The following CXCR2 variants were observed in gnomAD, a reference collection of about 807,000 sequenced individuals.
CXCR2 encodes C-X-C motif chemokine receptor 2.
Under a neutral mutation model 3.7 loss-of-function variants are expected in CXCR2, and 2 were observed. That is an observed-to-expected ratio of 0.55 (90% CI 0.22 to 1.72). The LOEUF (loss-of-function observed/expected upper bound fraction) is 1.72, where lower values mean the gene tolerates loss of function less well. CXCR2 is among the 40% of genes most tolerant of loss of function. The pLI is 0.19. For missense variants in CXCR2, 351 were observed against 450.1 expected (o/e 0.78, Z 1.99); for synonymous variants, 203 against 193.3 (o/e 1.05, Z -0.41).
At position 218,135,399 on chromosome 2, in the gene CXCR2, A is replaced by G. The variant is rs1574542963; in HGVS notation, c.598A>G (p.Met200Val). 1.2e-6 allele frequency: 2 copies of G among 1,614,204 alleles called. No individual in the cohort carries two copies. The highest frequency in any genetic ancestry group is 1.7e-6 in the Non-Finnish European group (2 of 1,180,034). Reference sequence around the variant, plus strand: ...TGTTAGCCCAGCCTGCTATGAGGACATGGGCAACAATACAGCAAACTGGCG... The same window carrying G: ...TGTTAGCCCAGCCTGCTATGAGGACGTGGGCAACAATACAGCAAACTGGCG... ...SNVSPACYED[M>V]GNNTANWRML... The change falls in exon 3 of 3, where the codon ATG becomes GTG. Residue 200 changes from methionine (M) to valine (V), a missense_variant. Transcript: ENST00000318507. This position sits in a 1 kb window ranked among gnomAD's most constrained non-coding sequence, Gnocchi z 4.0.
chr2:218,134,212 T>C (rs987708292), intron 2 of CXCR2, among the ~76,000 whole-genome samples: 1 of 152,246 alleles, frequency 6.6e-6, no homozygotes, highest in East Asian at 1.9e-4. Context: ...ATAGCCCATT[T>C]GGAGTTCCTG....
intron 1 of CXCR2, among the ~76,000 whole-genome samples, chr2:218,126,723 A>G (rs1559450305): frequency 6.6e-6 from 1 of 152,194 alleles, no homozygotes; most frequent in East Asian, 1.9e-4. Context: ...ATCTTGGCTC[A>G]TTGCAACCTC....
rs1353642101 is a variant in CXCR2 at position 218,136,207 on chromosome 2, A to G, written c.*323A>G. ...GCTCTGCATACTCATTAGGATGGCTAGTATCAAAAGAAAGAAAATCAGGCT... is the reference window on the plus strand; with the variant it reads ...GCTCTGCATACTCATTAGGATGGCTGGTATCAAAAGAAAGAAAATCAGGCT... On this transcript the variant is annotated 3_prime_UTR_variant, in exon 3 of 3. Coordinates refer to ENST00000318507, the MANE Select transcript of CXCR2 (RefSeq NM_001557.4). 5 of 247,164 alleles carry G rather than the reference A, an allele frequency of 2.0e-5. No individual in the cohort carries two copies. In the East Asian group the frequency reaches 3.5e-4, roughly 17 times the overall value. 15.3% of individuals were successfully genotyped at this position (247,164 alleles called of 1,614,324 possible).
chr2:218,134,771 C>G lies in CXCR2; in HGVS notation c.-25-6C>G. The G allele has an allele frequency of 6.3e-7, 1 of 1,598,464 alleles. No individual in the cohort carries two copies. Among genetic ancestry groups the G allele is most frequent in the South Asian group, 1.1e-5 (1 of 89,050 alleles). On this transcript the variant is annotated splice_polypyrimidine_tract_variant and splice_region_variant and intron_variant, in intron 2 of 2. Coordinates refer to ENST00000318507, the MANE Select transcript of CXCR2 (RefSeq NM_001557.4). ...TTATGCAGTAACCTTCATCTCTCTT[C>G]TATAGGTCAGGATTTAAGTTTACCT...
intron 2 of CXCR2, chr2:218,130,903 C>T (rs1369531127): frequency 6.6e-6 from 1 of 152,600 alleles, no homozygotes; most frequent in Non-Finnish European, 1.5e-5. Flanking sequence ...TGCATGCTCT[C>T]CCTCTGGAAC....
chr2:218,135,838 C>T lies in CXCR2; in HGVS notation c.1037C>T (p.Pro346Leu), dbSNP rs201772068. Residue 346 changes from proline to leucine, a missense_variant, in exon 3 of 3, where the codon CCT becomes CTT. By Grantham distance (98) the Pro-to-Leu change is moderately conservative. Coordinates refer to ENST00000318507, the MANE Select transcript of CXCR2 (RefSeq NM_001557.4). The surrounding 1 kb of genome is among the most constrained non-coding windows in gnomAD (Gnocchi z 4.0). ...SKDSLPKDSR[P>L]SFVGSSSGHT... ...GACTCCCTGCCCAAAGACAGCAGGC[C>T]TTCCTTTGTTGGCTCTTCTTCAGGG... 5.6e-6 allele frequency: 9 copies of T among 1,613,844 alleles called. No individual in the cohort carries two copies. The highest frequency in any genetic ancestry group is 7.6e-6 in the Non-Finnish European group (9 of 1,179,834).
At chr2:218,130,898 G>T in intron 2 of CXCR2, 1 of 152,698 alleles carries the variant, frequency 6.5e-6, no homozygotes, top group African/African-American at 2.4e-5. Flanking sequence ...TGACTTGCAT[G>T]CTCTCCCTCT....
intron 2 of CXCR2, among the ~76,000 whole-genome samples, chr2:218,129,660 G>A (rs1259317598): frequency 6.6e-6 from 1 of 152,138 alleles, no homozygotes; most frequent in Non-Finnish European, 1.5e-5. Flanking sequence ...CCTGGGCTAG[G>A]ACTGGGTCTG....
intron 1 of CXCR2, 50 bp downstream of exon 1, chr2:218,126,403 G>A (rs1465742159): frequency 6.6e-6 from 1 of 152,372 alleles, no homozygotes; most frequent in East Asian, 1.9e-4. Context: ...TCTAATGGAA[G>A]AGATCTGGAA....
At position 218,132,529 on chromosome 2, in the gene CXCR2, C is replaced by G. The variant is rs17844694; in HGVS notation, c.-25-2248C>G. Among the ~76,000 whole-genome samples the G allele has an allele frequency of 1.7e-3, 259 of 152,322 alleles. 1 individual carries two copies. The highest frequency in any genetic ancestry group is 5.8e-3 in the African/African-American group (243 of 41,564). Reference sequence around the variant, plus strand: ...CATTCTGAGAAATATGTCATGTGAACATGGTAGAGTATACGATGCTATAGC... The same window carrying G: ...CATTCTGAGAAATATGTCATGTGAAGATGGTAGAGTATACGATGCTATAGC... On this transcript the variant is annotated intron_variant, in intron 2 of 2. Coordinates refer to ENST00000318507, the MANE Select transcript of CXCR2 (RefSeq NM_001557.4).
rs925146937 is a variant in CXCR2, at chr2:218,134,722, A to G, written c.-25-55A>G. On this transcript the variant is annotated intron_variant, in intron 2 of 2. Coordinates refer to ENST00000318507, the MANE Select transcript of CXCR2 (RefSeq NM_001557.4). ...AATCCTATCCCAGTTTCTTGAGTGG[A>G]TGGGCAAGAATATGGGGAATTTATT... The G allele has an allele frequency of 2.7e-6, 4 of 1,474,366 alleles. No homozygotes were observed. In the South Asian group the frequency reaches 4.1e-5, roughly 15 times the overall value. The allele number at this position is 1,474,366 out of a possible 1,614,324, so 91.3% of individuals were successfully genotyped here. A position where few individuals can be genotyped will look rare whatever the true frequency, so the allele number is the denominator to read the frequency against.
chr2:218,129,873 A>G (rs1002394935), intron 2 of CXCR2, among the ~76,000 whole-genome samples: 1 of 152,198 alleles, frequency 6.6e-6, no homozygotes, highest in African/African-American at 2.4e-5. Flanking sequence ...TCATGCCATC[A>G]TCTATGGAGT....
chr2:218,135,211 T>C lies in CXCR2; in HGVS notation c.410T>C (p.Leu137Pro), dbSNP rs1472478059. The C allele has an allele frequency of 3.1e-6, 5 of 1,614,234 alleles. No individual in the cohort carries two copies. Among genetic ancestry groups the C allele is most frequent in the Non-Finnish European group, 4.2e-6 (5 of 1,180,048 alleles). Residue 137 changes from leucine (L) to proline (P), a missense_variant, in exon 3 of 3, where the codon CTG becomes CCG. Coordinates refer to ENST00000318507, the MANE Select transcript of CXCR2 (RefSeq NM_001557.4). The surrounding 1 kb of genome is among the most constrained non-coding windows in gnomAD (Gnocchi z 4.0). ...AACTTCTATAGTGGCATCCTGCTAC[T>C]GGCCTGCATCAGTGTGGACCGTTAC... Reference protein sequence around the residue: ...EVNFYSGILLLACISVDRYLA... With the variant: ...EVNFYSGILLPACISVDRYLA...
In CXCR2 at chr2:218,135,317, G is replaced by C. The variant is rs747309502; in HGVS notation, c.516G>C (p.Leu172=). The change falls in exon 3 of 3, where the codon CTG becomes CTC. Residue 172 remains leucine, a synonymous_variant. Transcript: ENST00000318507. This position sits in a 1 kb window ranked among gnomAD's most constrained non-coding sequence, Gnocchi z 4.0. ...TCATATGTCTCAGCATCTGGGGTCT[G>C]TCCTTGCTCCTGGCCCTGCCTGTCT... ...VKFICLSIWG[L]SLLLALPVLL... 1 of 1,614,212 alleles carries C rather than the reference G, an allele frequency of 6.2e-7. No individual in the cohort carries two copies. The highest frequency in any genetic ancestry group is 1.1e-5 in the South Asian group (1 of 91,084).
At position 218,135,854 on chromosome 2, in the gene CXCR2, T is replaced by A. The variant is rs749605233; in HGVS notation, c.1053T>A (p.Ser351=). The A allele has an allele frequency of 7.4e-6, 12 of 1,613,152 alleles. No individual in the cohort carries two copies. The East Asian group carries it at 2.7e-4, about 36-fold the overall frequency. The change falls in exon 3 of 3, where the codon TCT becomes TCA. Residue 351 remains serine (S), a synonymous_variant. Coordinates refer to ENST00000318507, the MANE Select transcript of CXCR2 (RefSeq NM_001557.4). The surrounding 1 kb of genome is among the most constrained non-coding windows in gnomAD (Gnocchi z 4.0). ...PKDSRPSFVG[S]SSGHTSTTL is the part of the protein sequence containing the mutation. Reference sequence around the variant, plus strand: ...ACAGCAGGCCTTCCTTTGTTGGCTCTTCTTCAGGGCACACTTCCACTACTC... The same window carrying A: ...ACAGCAGGCCTTCCTTTGTTGGCTCATCTTCAGGGCACACTTCCACTACTC...
chr2:218,127,471 T>G (rs1690539117), intron 1 of CXCR2, among the ~76,000 whole-genome samples: 2 of 152,156 alleles, frequency 1.3e-5, no homozygotes, highest in South Asian at 2.1e-4. Flanking sequence ...CGCAGTGATC[T>G]CCATGGAAAT....
Position 218,134,970 on chromosome 2 carries a change from C to G in CXCR2, c.169C>G (p.Leu57Val). ...GTATTTTGTGGTCATTATCTATGCC[C>G]TGGTATTCCTGCTGAGCCTGCTGGG... is the stretch of plus-strand genomic sequence containing the variant. ...NKYFVVIIYA[L>V]VFLLSLLGNS... is the part of the protein sequence containing the mutation. The change falls in exon 3 of 3, where the codon CTG becomes GTG. Residue 57 changes from leucine (L) to valine (V), a missense_variant. Transcript: ENST00000318507. 6.2e-7 allele frequency: 1 copy of G among 1,614,150 alleles called. No individual in the cohort carries two copies. The highest frequency in any genetic ancestry group is 8.5e-7 in the Non-Finnish European group (1 of 1,180,044).
In CXCR2 at chr2:218,135,035, C is replaced by T. The variant is rs150483744; in HGVS notation, c.234C>T (p.Val78=). 109 of 1,614,222 alleles carry T rather than the reference C, an allele frequency of 6.8e-5. No homozygotes were observed. In the African/African-American group the frequency reaches 1.0e-3, roughly 15 times the overall value. The change falls in exon 3 of 3, where the codon GTC becomes GTT. Residue 78 remains valine, a synonymous_variant. Coordinates refer to ENST00000318507, the MANE Select transcript of CXCR2 (RefSeq NM_001557.4). This position sits in a 1 kb window ranked among gnomAD's most constrained non-coding sequence, Gnocchi z 4.0. ...LVMLVILYSR[V]GRSVTDVYLL... Reference sequence around the variant, plus strand: ...TGCTGGTCATCTTATACAGCAGGGTCGGCCGCTCCGTCACTGATGTCTACC... The same window carrying T: ...TGCTGGTCATCTTATACAGCAGGGTTGGCCGCTCCGTCACTGATGTCTACC...
chr2:218,135,799 G>A lies in CXCR2; in HGVS notation c.998G>A (p.Gly333Asp), dbSNP rs774447284. ...HGLLKILAIH[G>D]LISKDSLPKD... ...CTCCTCAAGATTCTAGCTATACATG[G>A]CTTGATCAGCAAGGACTCCCTGCCC... Residue 333 changes from glycine (G) to aspartate (D), a missense_variant, in exon 3 of 3, where the codon GGC (glycine) becomes GAC (aspartate). Coordinates refer to ENST00000318507, the MANE Select transcript of CXCR2 (RefSeq NM_001557.4). This position sits in a 1 kb window ranked among gnomAD's most constrained non-coding sequence, Gnocchi z 4.0. The A allele has an allele frequency of 1.2e-6, 2 of 1,614,082 alleles. No homozygotes were observed. Among genetic ancestry groups the A allele is most frequent in the Non-Finnish European group, 1.7e-6 (2 of 1,180,028 alleles).
Sources: gnomAD v4.1 joint callset for allele counts (sites outside exome capture counted in the v4.1 genomes callset) on GRCh38, gnomAD v4.1.1 for gene constraint, Gnocchi (gnomAD v3.1) non-coding constraint, MANE v1.5 for transcripts, NCBI Gene and HGNC (gene_info 2026-07-23, HGNC 2026-07-21) for gene names.